Variants in PLA2G7 observed in about 807,000 individuals in gnomAD.
PLA2G7 encodes phospholipase A2 group VII, also known as platelet-activating factor acetylhydrolase.
Under a neutral mutation model 49.6 loss-of-function variants are expected in PLA2G7, and 63 were observed. That is an observed-to-expected ratio of 1.27 (90% CI 1.04 to 1.57). The LOEUF (loss-of-function observed/expected upper bound fraction) is 1.57. Ranked by LOEUF, PLA2G7 falls within the 40% of genes most tolerant of loss-of-function variation. PLA2G7 has a pLI of 0.00. For missense variants in PLA2G7, 596 were observed against 521.2 expected (o/e 1.14, Z -1.40); for synonymous variants, 193 against 169.9 (o/e 1.14, Z -1.06).
chr6:46,707,984 T>G lies in PLA2G7; in HGVS notation c.1040+7A>C. The G allele has an allele frequency of 6.5e-7, 1 of 1,532,516 alleles. No homozygotes were observed. The highest frequency in any genetic ancestry group is 9.0e-7 in the Non-Finnish European group (1 of 1,108,430). The allele number at this position is 1,532,516 out of a possible 1,614,324, so 94.9% of individuals were successfully genotyped here. On this transcript the variant is annotated splice_region_variant and intron_variant, in intron 10 of 11. Coordinates refer to ENST00000274793, the MANE Select transcript of PLA2G7 (RefSeq NM_005084.4). ...TTCACATAATGAAATAAGTCACTAA[T>G]ACTTACCTGATTGTAATCATCTTTC...
chr6:46,714,420 A>T (rs530126200), intron 5 of PLA2G7, 40 bp downstream of exon 5: 1 of 1,226,938 alleles, frequency 8.2e-7, no homozygotes, highest in East Asian at 2.3e-5. Flanking sequence ...ATTGTCATTT[A>T]TTCCTGGAAG....
At chr6:46,723,004 G>A (rs559851562) in intron 1 of PLA2G7, 79 bp from the exon 2 acceptor site, 2 of 711,064 alleles carry the variant, frequency 2.8e-6, no homozygotes, top group African/African-American at 1.8e-5. Context: ...AAGAAAGGCT[G>A]AGGTACTAGT....
rs759114384 is a variant in PLA2G7, at chr6:46,716,443, C to A, written c.317G>T (p.Gly106Val). ...LWIPNKEYFW[G>V]LSKFLGTHWL... Reference sequence around the variant, plus strand: ...GTGTGTTCCAAGAAATTTGCTAAGACCCCAAAAATATTCTTTATTTGGGAT... The same window carrying A: ...GTGTGTTCCAAGAAATTTGCTAAGAACCCAAAAATATTCTTTATTTGGGAT... Residue 106 changes from glycine (G) to valine (V), a missense_variant, in exon 4 of 12, where the codon GGT (glycine) becomes GTT (valine). Transcript: ENST00000274793. 2.5e-6 allele frequency: 4 copies of A among 1,613,954 alleles called. No individual in the cohort carries two copies. Among genetic ancestry groups the A allele is most frequent in the East Asian group, 4.5e-5 (2 of 44,862 alleles).
chr6:46,708,184 A>T (rs1764895501), intron 9 of PLA2G7, 23 bp from the exon 10 acceptor site: 1 of 1,589,036 alleles, frequency 6.3e-7, no homozygotes, highest in Admixed American at 1.7e-5. Context: ...GTTGACAATG[A>T]TGAAATTAAA....
At chr6:46,725,602 G>A (rs968426188) in intron 1 of PLA2G7, among the ~76,000 whole-genome samples, 2 of 151,926 alleles carry the variant, frequency 1.3e-5, no homozygotes, top group African/African-American at 2.4e-5. Flanking sequence ...AGAAAAAAAA[G>A]GTATATATGT....
At chr6:46,725,334 C>A (rs906096613) in intron 1 of PLA2G7, among the ~76,000 whole-genome samples, 6 of 151,818 alleles carry the variant, frequency 4.0e-5, no homozygotes, top group African/African-American at 1.5e-4. Flanking sequence ...TGGGTTCAGG[C>A]AATTCTCCTG....
intron 5 of PLA2G7, among the ~76,000 whole-genome samples, chr6:46,713,123 T>C (rs1765085020): frequency 6.6e-6 from 1 of 152,208 alleles, no homozygotes; most frequent in Non-Finnish European, 1.5e-5. Flanking sequence ...TTGGACTGGG[T>C]GAAATAGTTG....
chr6:46,705,258 CAG>C lies in PLA2G7; in HGVS notation c.1082_1083del (p.Thr361ArgfsTer21). The C allele has an allele frequency of 6.2e-7, 1 of 1,611,278 alleles. No homozygotes were observed. Among genetic ancestry groups the C allele is most frequent in the South Asian group, 1.1e-5 (1 of 91,002 alleles). ...TTGAGCATGTGTCCAATTATTTTGC[CAG>C]TTGCAAAAGTGAAGTCAGCAAAATT... ...HQNFADFTFA[T>X]GKIIGHMLKL... On this transcript the variant is annotated frameshift_variant, in exon 11 of 12. Coordinates refer to ENST00000274793, the MANE Select transcript of PLA2G7 (RefSeq NM_005084.4). LOFTEE classifies it high-confidence loss of function.
Position 46,711,617 on chromosome 6 carries a change from T to C in PLA2G7, c.542A>G (p.Asp181Gly). 6.2e-7 allele frequency: 1 copy of C among 1,613,526 alleles called. No homozygotes were observed. The highest frequency in any genetic ancestry group is 8.5e-7 in the Non-Finnish European group (1 of 1,179,516). ...ATAGTAAGTTGCAGATGCAGATCTA[T>C]CTCTATAATACAAGCAAAATTATTA... ...GFIVAAVEHR[D>G]RSASATYYFK... Residue 181 changes from aspartate to glycine, a missense_variant and splice_region_variant, in exon 7 of 12, where the codon GAT becomes GGT. By Grantham distance (94) the Asp-to-Gly change is moderately conservative. Coordinates refer to ENST00000274793, the MANE Select transcript of PLA2G7 (RefSeq NM_005084.4).
intron 10 of PLA2G7, among the ~76,000 whole-genome samples, chr6:46,706,397 G>A (rs1226610932): frequency 6.6e-6 from 1 of 152,224 alleles, no homozygotes; most frequent in Non-Finnish European, 1.5e-5. Flanking sequence ...AAGCTTGGAT[G>A]ATCTGACTGT....
rs1491242912 is a variant in PLA2G7 at position 46,704,442 on chromosome 6, T to TCC, written c.*117_*118insGG. On this transcript the variant is annotated 3_prime_UTR_variant, in exon 12 of 12. Transcript: ENST00000274793. Reference sequence around the variant, plus strand: ...GTCCTTTGGGAAAATACATTAAAATTCTCTCTCTCTCTCTCTCTCTCTCTC... The same window carrying TCC: ...GTCCTTTGGGAAAATACATTAAAATTCCCTCTCTCTCTCTCTCTCTCTCTCTC... 9 of 520,720 alleles carry TCC rather than the reference T, an allele frequency of 1.7e-5. No homozygotes were observed. The highest frequency in any genetic ancestry group is 1.0e-4 in the African/African-American group (5 of 47,722). The allele number at this position is 520,720 out of a possible 1,614,324, so 32.3% of individuals were successfully genotyped here. A position where few individuals can be genotyped will look rare whatever the true frequency, so the allele number is the denominator to read the frequency against.
At chr6:46,704,823 T>C in intron 11 of PLA2G7, 127 bp from the exon 12 acceptor site, 1 of 681,338 alleles carries the variant, frequency 1.5e-6, no homozygotes, top group South Asian at 1.8e-5. Context: ...GACGATGTGC[T>C]CTGTATCAGC....
chr6:46,704,574 C>G lies in PLA2G7; in HGVS notation c.1312G>C (p.Glu438Gln), dbSNP rs375406274. The G allele has an allele frequency of 6.9e-6, 11 of 1,591,478 alleles. No individual in the cohort carries two copies. The East Asian group carries it at 1.3e-4, about 19-fold the overall frequency. ...CTATTTTAATCCTAATTGTATTTCTCTATTCCTGAAGAGTTCTGTAACATG... is the reference window on the plus strand; with the variant it reads ...CTATTTTAATCCTAATTGTATTTCTGTATTCCTGAAGAGTTCTGTAACATG... ...HIMLQNSSGI[E>Q]KYN Residue 438 changes from glutamate (E) to glutamine (Q), a missense_variant, in exon 12 of 12, where the codon GAG becomes CAG. Glu to Gln is a conservative substitution (Grantham distance 29). Coordinates refer to ENST00000274793, the MANE Select transcript of PLA2G7 (RefSeq NM_005084.4).
rs187047668 is a variant in PLA2G7, at chr6:46,716,858, A to G, written c.231+117T>C. ...AAAGCCTTCATATGAAACAATACAAATTGCAAAATGAGTCATTCTCAGGTG... is the reference window on the plus strand; with the variant it reads ...AAAGCCTTCATATGAAACAATACAAGTTGCAAAATGAGTCATTCTCAGGTG... On this transcript the variant is annotated intron_variant, in intron 3 of 11. Transcript: ENST00000274793. 4.8e-5 allele frequency: 50 copies of G among 1,034,226 alleles called. No individual in the cohort carries two copies. The African/African-American group carries it at 7.1e-4, about 15-fold the overall frequency. 64.1% of individuals were successfully genotyped at this position (1,034,226 alleles called of 1,614,324 possible).
rs776037198 is a variant in PLA2G7 at position 46,714,497 on chromosome 6, G to T, written c.433C>A (p.Pro145Thr). Residue 145 changes from proline to threonine, a missense_variant, in exon 5 of 12, where the codon CCA (proline) becomes ACA (threonine). Coordinates refer to ENST00000274793, the MANE Select transcript of PLA2G7 (RefSeq NM_005084.4). The stretch of plus-strand genomic sequence containing the variant: ...AGACCATGAGAAAAAACAACAAGTG[G>T]ATATTTTTCACCAGGCCTCAGAGGG... ...NSPLRPGEKYPLVVFSHGLGA... is the reference protein window; with the variant it reads ...NSPLRPGEKYTLVVFSHGLGA... 6.2e-7 allele frequency: 1 copy of T among 1,612,688 alleles called. No homozygotes were observed. Among genetic ancestry groups the T allele is most frequent in the Non-Finnish European group, 8.5e-7 (1 of 1,178,948 alleles).
chr6:46,727,690 C>A (rs1218787964), intron 1 of PLA2G7, among the ~76,000 whole-genome samples: 2 of 152,128 alleles, frequency 1.3e-5, no homozygotes, highest in Non-Finnish European at 2.9e-5. Context: ...TCACAAGAGT[C>A]CTTAAAAGTA....
chr6:46,735,531 C>A (rs376133425), upstream of PLA2G7: 1 of 152,532 alleles, frequency 6.6e-6, no homozygotes, highest in Admixed American at 6.5e-5. Context: ...AGCACCCTCC[C>A]CAAGACCATG....
Position 46,708,405 on chromosome 6 carries a change from G to C in PLA2G7, c.870-244C>G, listed in dbSNP as rs181099189. On this transcript the variant is annotated intron_variant, in intron 9 of 11. Coordinates refer to ENST00000274793, the MANE Select transcript of PLA2G7 (RefSeq NM_005084.4). The stretch of plus-strand genomic sequence containing the variant: ...ATGCCTTTAGGAATTGCAACCATTT[G>C]AGTGATATATCCTTAAAACTTTTTA... Among the ~76,000 whole-genome samples the C allele has an allele frequency of 2.3e-3, 349 of 152,260 alleles. 1 individual carries two copies. Among genetic ancestry groups the C allele is most frequent in the Admixed American group, 4.4e-3 (67 of 15,294 alleles).
At chr6:46,723,964 C>A (rs895206730) in intron 1 of PLA2G7, among the ~76,000 whole-genome samples, 5 of 152,298 alleles carry the variant, frequency 3.3e-5, no homozygotes, top group South Asian at 2.1e-4. Context: ...TTGCCATTCA[C>A]CAAACATGCC....
Sources: allele counts gnomAD v4.1 joint callset (sites outside exome capture counted in the v4.1 genomes callset), GRCh38; gene constraint gnomAD v4.1.1; transcripts MANE v1.5; gene names NCBI Gene and HGNC (gene_info 2026-07-23, HGNC 2026-07-21).